The following ANO2 variants were observed in gnomAD, a reference collection of about 807,000 sequenced individuals.
The protein encoded by ANO2 is anoctamin-2.
A neutral mutation model predicts 124.2 loss-of-function variants in ANO2; 101 were observed. The ratio of observed to expected loss-of-function variants is 0.81; its 90% CI spans 0.69 to 0.96. The LOEUF (loss-of-function observed/expected upper bound fraction) is 0.96, where lower values mean the gene tolerates loss of function less well. Ranked by LOEUF, ANO2 falls within the 40% of genes least tolerant of loss-of-function variation. The pLI is 0.00. For synonymous variants in ANO2, 486 were observed against 482.5 expected (o/e 1.01, Z -0.09); for missense variants, 1,293 against 1,274.5 (o/e 1.01, Z -0.22).
Position 5,939,209 on chromosome 12 carries a change from C to CCAA in ANO2, c.22+5984_22+5986dup, listed in dbSNP as rs1475268271. Reference sequence around the variant, plus strand: ...TCCAGCCTAGTGACAGAGCAAGACTCCAACAAAAAAAAAAAAAAAAAAAAA... The same window carrying CCAA: ...TCCAGCCTAGTGACAGAGCAAGACTCCAACAACAAAAAAAAAAAAAAAAAAAAA... On this transcript the variant is annotated intron_variant, in intron 1 of 24. Coordinates refer to ENST00000682330, the MANE Select transcript of ANO2 (RefSeq NM_001364791.2). Among the ~76,000 whole-genome samples the CCAA allele has an allele frequency of 9.3e-4, 25 of 26,940 alleles. 1 individual carries two copies. Among genetic ancestry groups the CCAA allele is most frequent in the East Asian group, 2.7e-3 (1 of 366 alleles). The allele number at this position is 26,940 out of a possible 152,430, so 17.7% of individuals were successfully genotyped here. A position where few individuals can be genotyped will look rare whatever the true frequency, so the allele number is the denominator to read the frequency against.
intron 3 of ANO2, among the ~76,000 whole-genome samples, chr12:5,910,164 C>G (rs1940958458): frequency 6.6e-6 from 1 of 152,118 alleles, no homozygotes. Flanking sequence ...TGATATGATA[C>G]AAATCTATGT....
chr12:5,939,483 GT>G (rs759646200), intron 1 of ANO2, among the ~76,000 whole-genome samples: 81 of 152,288 alleles, frequency 5.3e-4, no homozygotes, highest in Admixed American at 1.2e-3. Flanking sequence ...CTCCCCACCT[GT>G]GGTATGCAGA....
intron 10 of ANO2, among the ~76,000 whole-genome samples, chr12:5,790,573 G>A (rs983534539): frequency 3.3e-5 from 5 of 151,832 alleles, no homozygotes; most frequent in Admixed American, 6.5e-5. Flanking sequence ...CATCTATGTC[G>A]TAAGTCTCAT....
intron 7 of ANO2, among the ~76,000 whole-genome samples, chr12:5,816,922 G>A (rs546234622): frequency 7.2e-5 from 11 of 152,148 alleles, no homozygotes; most frequent in South Asian, 4.1e-4. Flanking sequence ...GCATCCCTCC[G>A]TTTCTCTAAC....
At chr12:5,832,260 G>A (rs1591669685) in intron 5 of ANO2, among the ~76,000 whole-genome samples, 192 bp downstream of exon 5, 1 of 152,170 alleles carries the variant, frequency 6.6e-6, no homozygotes, top group Non-Finnish European at 1.5e-5. Context: ...GGCTGTTTGG[G>A]ACAATCTCAC....
At chr12:5,941,411 C>A (rs1328323275) in intron 1 of ANO2, among the ~76,000 whole-genome samples, 1 of 151,872 alleles carries the variant, frequency 6.6e-6, no homozygotes, top group Non-Finnish European at 1.5e-5. Flanking sequence ...CAAAAGTAAT[C>A]AAATCTAGAG....
intron 4 of ANO2, 98 bp from the exon 5 acceptor site, chr12:5,832,701 G>A (rs917321994): frequency 1.1e-5 from 14 of 1,327,270 alleles, no homozygotes; most frequent in African/African-American, 3.0e-5. Context: ...ATTCCCAGAG[G>A]TGAACATTGG....
At chr12:5,855,090 C>T (rs1201701732) in intron 3 of ANO2, among the ~76,000 whole-genome samples, 1 of 152,158 alleles carries the variant, frequency 6.6e-6, no homozygotes, top group Non-Finnish European at 1.5e-5. Context: ...CTAAAACTAC[C>T]TGCAAAATTA....
chr12:5,800,287 A>G (rs1181009916), intron 9 of ANO2, among the ~76,000 whole-genome samples: 4 of 152,242 alleles, frequency 2.6e-5, no homozygotes, highest in Non-Finnish European at 5.9e-5. Context: ...ACAAAGTCAG[A>G]AAGAACCAGG....
At chr12:5,777,674 G>T (rs1258729822) in intron 10 of ANO2, among the ~76,000 whole-genome samples, 1 of 152,032 alleles carries the variant, frequency 6.6e-6, no homozygotes, top group African/African-American at 2.4e-5. Context: ...TAAATGAAAA[G>T]GAAAAAAACA....
chr12:5,905,714 A>T (rs1422932579), intron 3 of ANO2, among the ~76,000 whole-genome samples: 1 of 152,188 alleles, frequency 6.6e-6, no homozygotes, highest in African/African-American at 2.4e-5. Context: ...AATCTGCCCA[A>T]TGGCACAGAG....
intron 4 of ANO2, among the ~76,000 whole-genome samples, chr12:5,842,402 C>G (rs115983536): frequency 0.022 from 3,345 of 152,246 alleles, 102 homozygotes; most frequent in African/African-American, 0.074. Context: ...CTGAAGGAGT[C>G]CTTTAGCAAA....
chr12:5,895,636 A>G lies in ANO2; in HGVS notation c.534+25404T>C, dbSNP rs6489672. 2.9e-3 allele frequency among the ~76,000 whole-genome samples: 448 copies of G among 152,284 alleles called. 3 individuals are homozygous for G. The highest frequency in any genetic ancestry group is 0.01 in the African/African-American group (423 of 41,570). ...CATAATTAAAAAGTCATAAAACAAT[A>G]GATGTCAGCATGGATGTGGTGAAAA... is the stretch of plus-strand genomic sequence containing the variant. On this transcript the variant is annotated intron_variant, in intron 3 of 24. Transcript: ENST00000682330.
chr12:5,934,116 A>G (rs1314784230), intron 1 of ANO2, among the ~76,000 whole-genome samples: 1 of 152,206 alleles, frequency 6.6e-6, no homozygotes, highest in African/African-American at 2.4e-5. Flanking sequence ...TGTGTCAGAC[A>G]CTGTTTTAAA....
At chr12:5,926,098 TG>T (rs987817257) in intron 1 of ANO2, among the ~76,000 whole-genome samples, 76 of 152,358 alleles carry the variant, frequency 5.0e-4, no homozygotes, top group African/African-American at 1.7e-3. Context: ...CAGCATTTCC[TG>T]CTCCTGCAAA....
At chr12:5,806,247 T>TA (rs752746389) in intron 8 of ANO2, among the ~76,000 whole-genome samples, 154 bp from the exon 9 acceptor site, 9 of 152,204 alleles carry the variant, frequency 5.9e-5, no homozygotes, top group Non-Finnish European at 1.2e-4. Context: ...AAGGGGCTGA[T>TA]ATTCCATTTT....
chr12:5,714,492 T>C (rs994134421), intron 14 of ANO2, among the ~76,000 whole-genome samples: 7 of 152,150 alleles, frequency 4.6e-5, no homozygotes, highest in African/African-American at 1.7e-4. Context: ...TCCAGAGAGC[T>C]AGAAATAGCA....
At chr12:5,711,981 G>A (rs1474275889) in intron 14 of ANO2, among the ~76,000 whole-genome samples, 1 of 152,160 alleles carries the variant, frequency 6.6e-6, no homozygotes, top group East Asian at 1.9e-4. Flanking sequence ...CCAAGTTAAT[G>A]ATAAGGACCT....
At chr12:5,637,243 G>A (rs1303176342) in intron 15 of ANO2, among the ~76,000 whole-genome samples, 12 of 152,114 alleles carry the variant, frequency 7.9e-5, no homozygotes, top group Admixed American at 7.9e-4. Flanking sequence ...AAAATGTGGT[G>A]TGAGATTCTT....
Sources: gnomAD v4.1 joint callset for allele counts (sites outside exome capture counted in the v4.1 genomes callset) on GRCh38, gnomAD v4.1.1 for gene constraint, MANE v1.5 for transcripts, NCBI Gene and HGNC (gene_info 2026-07-23, HGNC 2026-07-21) for gene names.